Variants in ASPRV1 observed in about 807,000 individuals in gnomAD.
The protein encoded by ASPRV1 is retroviral-like aspartic protease 1.
Under a neutral mutation model 11.0 loss-of-function variants are expected in ASPRV1, and 7 were observed. That is an observed-to-expected ratio of 0.64 (90% CI 0.36 to 1.20). The LOEUF is 1.20. Ranked by LOEUF, ASPRV1 falls within the 50% of genes most tolerant of loss-of-function variation. The pLI is 0.02. For synonymous variants in ASPRV1, 136 were observed against 138.4 expected (o/e 0.98, Z 0.12); for missense variants, 299 against 320.0 (o/e 0.93, Z 0.50).
the ASPRV1 span, among the ~76,000 whole-genome samples, chr2:69,998,896 T>C: frequency 6.6e-6 from 1 of 151,970 alleles, no homozygotes; most frequent in Admixed American, 6.6e-5. Context: ...CCCAACACAG[T>C]GGGCTTGATG....
the ASPRV1 span, chr2:69,938,636 A>C: frequency 6.3e-5 from 12 of 191,956 alleles, no homozygotes; most frequent in Admixed American, 6.8e-4. Flanking sequence ...TTTCTGGCTT[A>C]CTGTGTTACT....
chr2:70,015,665 ATAG>A, the ASPRV1 span: 1 of 152,178 alleles, frequency 6.6e-6, no homozygotes, highest in Non-Finnish European at 1.5e-5. Context: ...TAATACAATA[ATAG>A]TAGGGGACTT....
At chr2:69,989,412 C>T in the ASPRV1 span, among the ~76,000 whole-genome samples, 7 of 152,260 alleles carry the variant, frequency 4.6e-5, no homozygotes, top group Admixed American at 3.3e-4. Flanking sequence ...CAGCACAGGA[C>T]AGTGCTTGGC....
At chr2:70,000,314 T>C in the ASPRV1 span, among the ~76,000 whole-genome samples, 6 of 103,432 alleles carry the variant, frequency 5.8e-5, no homozygotes, top group South Asian at 3.3e-4. Flanking sequence ...GAAACCCTCA[T>C]CTCCAAAAAA....
chr2:70,001,960 C>T, the ASPRV1 span, among the ~76,000 whole-genome samples: 241 of 151,980 alleles, frequency 1.6e-3, 11 homozygotes, highest in East Asian at 0.043. Flanking sequence ...GTATAAAAAG[C>T]GAGTCATAGA....
At chr2:69,986,143 T>C in the ASPRV1 span, among the ~76,000 whole-genome samples, 1 of 152,196 alleles carries the variant, frequency 6.6e-6, no homozygotes, top group African/African-American at 2.4e-5. Context: ...CCCATCCATA[T>C]ATGCCTGCCC....
chr2:69,953,472 C>T, the ASPRV1 span, among the ~76,000 whole-genome samples: 4 of 152,190 alleles, frequency 2.6e-5, no homozygotes, highest in African/African-American at 4.8e-5. Context: ...ACTTTGTGGC[C>T]GGAAGGGCTC....
At chr2:69,961,647 C>A (rs540043834), upstream of ASPRV1, 2 of 1,578,374 alleles carry the variant, frequency 1.3e-6, no homozygotes, top group East Asian at 2.2e-5. Flanking sequence ...GTTCACTCTG[C>A]AGAGCCTTTT....
the ASPRV1 span, among the ~76,000 whole-genome samples, chr2:70,008,634 T>A: frequency 6.6e-6 from 1 of 151,866 alleles, no homozygotes. Context: ...AATGTTTTTG[T>A]GTGTTTTTTT....
the ASPRV1 span, among the ~76,000 whole-genome samples, chr2:69,953,139 C>G: frequency 0.2 from 30,868 of 152,272 alleles, 4,309 homozygotes; most frequent in East Asian, 0.38. Flanking sequence ...CCAAAAGCCA[C>G]TGTTGCGTGT....
chr2:69,943,635 C>T, the ASPRV1 span, among the ~76,000 whole-genome samples: 2 of 152,224 alleles, frequency 1.3e-5, no homozygotes, highest in Non-Finnish European at 2.9e-5. Context: ...GGTTAGTATA[C>T]ATTTATTCAT....
At chr2:69,971,853 G>A in the ASPRV1 span, among the ~76,000 whole-genome samples, 1 of 152,156 alleles carries the variant, frequency 6.6e-6, no homozygotes. Flanking sequence ...GGGCCAGGCT[G>A]CCTAAATTCA....
At chr2:70,057,669 G>A in the ASPRV1 span, among the ~76,000 whole-genome samples, 1 of 151,580 alleles carries the variant, frequency 6.6e-6, no homozygotes, top group Non-Finnish European at 1.5e-5. Context: ...AGTAAAGATG[G>A]GGTTTCATCA....
the ASPRV1 span, among the ~76,000 whole-genome samples, chr2:70,048,308 G>C: frequency 1.4e-4 from 20 of 146,910 alleles, no homozygotes; most frequent in African/African-American, 4.8e-4. Flanking sequence ...CCAGCTACTT[G>C]GGAGGCTGAG....
the ASPRV1 span, chr2:70,087,329 G>A: frequency 1.3e-5 from 2 of 148,202 alleles, no homozygotes; most frequent in Non-Finnish European, 3.0e-5. Flanking sequence ...GTGTCAGAAG[G>A]TTTTTTTTTT....
At chr2:69,949,068 T>C in the ASPRV1 span, among the ~76,000 whole-genome samples, 2 of 152,168 alleles carry the variant, frequency 1.3e-5, no homozygotes, top group African/African-American at 4.8e-5. Context: ...GGTCACTTTC[T>C]ATCCGCTGTC....
the ASPRV1 span, among the ~76,000 whole-genome samples, chr2:69,990,222 T>C: frequency 1.3e-5 from 2 of 152,176 alleles, no homozygotes; most frequent in East Asian, 1.9e-4. Context: ...CTCACTCTAT[T>C]GTCCAGGTTG....
At chr2:69,957,890 T>C (rs1213215190), downstream of ASPRV1, among the ~76,000 whole-genome samples, 1 of 152,180 alleles carries the variant, frequency 6.6e-6, no homozygotes, top group African/African-American at 2.4e-5. Flanking sequence ...TTTCCATCAT[T>C]GCAAAAGCAG....
the ASPRV1 span, among the ~76,000 whole-genome samples, chr2:70,078,239 G>A: frequency 6.6e-6 from 1 of 152,202 alleles, no homozygotes; most frequent in Non-Finnish European, 1.5e-5. Flanking sequence ...ATAGCAATGA[G>A]CAAAACAAAG....
Sources: allele counts gnomAD v4.1 joint callset (sites outside exome capture counted in the v4.1 genomes callset), GRCh38; gene constraint gnomAD v4.1.1; transcripts MANE v1.5; gene names NCBI Gene and HGNC (gene_info 2026-07-23, HGNC 2026-07-21).